HOXC5: variants seen among roughly 807,000 people sequenced by gnomAD.
HOXC5 encodes homeobox C5.
HOXC5 carries 19 observed loss-of-function variants against 20.1 expected under a neutral mutation model. The observed-to-expected ratio is 0.94, with a 90% CI of 0.66 to 1.38. The LOEUF (loss-of-function observed/expected upper bound fraction) is 1.38. HOXC5 is among the 40% of genes most tolerant of loss of function. The pLI is 0.00. For synonymous variants in HOXC5, 124 were observed against 117.0 expected, an observed-to-expected ratio of 1.06 and a Z score of -0.39; for missense variants, 330 against 300.1, an observed-to-expected ratio of 1.10 and a Z score of -0.74.
At chr12:54,032,458 C>T (rs771744528), upstream of HOXC5, among the ~76,000 whole-genome samples, 46 of 152,344 alleles carry the variant, frequency 3.0e-4, no homozygotes, top group Non-Finnish European at 2.4e-4. Context: ...CTAAGTTAAA[C>T]CCCATTGGTT....
At chr12:54,023,887 A>G in the HOXC5 span, among the ~76,000 whole-genome samples, 4 of 152,218 alleles carry the variant, frequency 2.6e-5, no homozygotes, top group Non-Finnish European at 4.4e-5. Context: ...CCCAAACAGC[A>G]TTCCCTGCAT....
the HOXC5 span, among the ~76,000 whole-genome samples, chr12:54,024,206 C>T: frequency 2.0e-5 from 3 of 151,952 alleles, no homozygotes; most frequent in Non-Finnish European, 4.4e-5. Flanking sequence ...GCGGGGCAAC[C>T]GTTCTTCTCT....
the HOXC5 span, chr12:54,017,043 G>C: frequency 1.3e-5 from 2 of 152,060 alleles, no homozygotes; most frequent in Non-Finnish European, 2.9e-5. Context: ...GCCGAAGCTG[G>C]GGGCAGCTGG....
chr12:54,028,263 ATATATT>A (rs1344108100), upstream of HOXC5: 1,540 of 72,806 alleles, frequency 0.021, 18 homozygotes, highest in Non-Finnish European at 0.026. Context: ...ATATATATAT[ATATATT>A]TTTTAAAAGA....
At position 54,033,268 on chromosome 12, in the gene HOXC5, T is replaced by TC; in HGVS notation, c.149dup (p.Pro51ThrfsTer63). The TC allele has an allele frequency of 6.2e-7, 1 of 1,614,122 alleles. No individual in the cohort carries two copies. The highest frequency in any genetic ancestry group is 8.5e-7 in the Non-Finnish European group (1 of 1,180,034). On this transcript the variant is annotated frameshift_variant, in exon 1 of 2. Coordinates refer to ENST00000312492, the MANE Select transcript of HOXC5 (RefSeq NM_018953.4). LOFTEE classifies it high-confidence loss of function. ...GGCGGATTGGACTTAAGCATCACTT[T>TC]CCCACCGCCTGCGCCTTCCAACTCT... is the stretch of plus-strand genomic sequence containing the variant.
the HOXC5 span, among the ~76,000 whole-genome samples, chr12:54,027,361 G>A: frequency 6.6e-6 from 1 of 152,162 alleles, no homozygotes; most frequent in East Asian, 1.9e-4. Flanking sequence ...TCTGGAGGGG[G>A]CAGGGGGGCT....
chr12:54,030,355 G>A (rs1940937641), upstream of HOXC5: 1 of 154,760 alleles, frequency 6.5e-6, no homozygotes. Context: ...GCCTGCTGGG[G>A]CCTCTGCTCC....
At chr12:54,034,171 G>A in intron 1 of HOXC5, 107 bp from the exon 2 acceptor site, 1 of 1,106,400 alleles carries the variant, frequency 9.0e-7, no homozygotes, top group Admixed American at 1.7e-5. Context: ...TGCGGCTCTC[G>A]CCTCCTCTCC....
At chr12:54,024,597 G>C in the HOXC5 span, among the ~76,000 whole-genome samples, 6 of 152,144 alleles carry the variant, frequency 3.9e-5, no homozygotes, top group Non-Finnish European at 8.8e-5. Flanking sequence ...ATTTCCCAGA[G>C]CTGAGTGGAA....
At chr12:54,025,453 C>T in the HOXC5 span, among the ~76,000 whole-genome samples, 1 of 147,112 alleles carries the variant, frequency 6.8e-6, no homozygotes, top group African/African-American at 2.5e-5. Flanking sequence ...ATCCTTTCAG[C>T]AAATTTCAGC....
At chr12:54,023,400 G>T in the HOXC5 span, among the ~76,000 whole-genome samples, 2 of 152,338 alleles carry the variant, frequency 1.3e-5, no homozygotes, top group East Asian at 3.9e-4. Context: ...AGGTCAGGCA[G>T]AAATCTGGAA....
the HOXC5 span, among the ~76,000 whole-genome samples, chr12:54,024,831 C>G: frequency 6.6e-6 from 1 of 152,222 alleles, no homozygotes; most frequent in Non-Finnish European, 1.5e-5. Flanking sequence ...GACTGCACCC[C>G]ACTCAGGTCC....
chr12:54,023,706 CTG>C, the HOXC5 span, among the ~76,000 whole-genome samples: 1 of 152,210 alleles, frequency 6.6e-6, no homozygotes, highest in African/African-American at 2.4e-5. Context: ...ATATCCATTT[CTG>C]TGTTAGGTGT....
upstream of HOXC5, among the ~76,000 whole-genome samples, chr12:54,029,398 GCCCCGCCC>G (rs1555185353): frequency 3.1e-5 from 2 of 65,394 alleles, no homozygotes; most frequent in Admixed American, 1.5e-4. Context: ...TTTGCCTTTT[GCCCCGCCC>G]CCCCGCCCCC....
the HOXC5 span, among the ~76,000 whole-genome samples, chr12:54,022,895 G>A: frequency 6.6e-6 from 1 of 152,200 alleles, no homozygotes; most frequent in Non-Finnish European, 1.5e-5. Context: ...CCAGGAGGCT[G>A]GGGATCCTTT....
At chr12:54,025,073 T>C in the HOXC5 span, among the ~76,000 whole-genome samples, 69,404 of 151,978 alleles carry the variant, frequency 0.46, 16,185 homozygotes, top group East Asian at 0.64. Context: ...GCCAGAGCAG[T>C]AGCAAGGAGA....
upstream of HOXC5, chr12:54,029,782 C>A: frequency 3.1e-6 from 5 of 1,614,088 alleles, no homozygotes; most frequent in Non-Finnish European, 4.2e-6. Flanking sequence ...AGATCGCCAA[C>A]GCGCTTTGCC....
chr12:54,030,053 C>T (rs1940924079), upstream of HOXC5: 1 of 1,251,800 alleles, frequency 8.0e-7, no homozygotes, highest in Non-Finnish European at 1.1e-6. Context: ...ATCACTGGCA[C>T]AATTGATGTG....
upstream of HOXC5, chr12:54,029,877 G>A: frequency 2.5e-6 from 4 of 1,591,914 alleles, 1 homozygote; most frequent in Non-Finnish European, 3.4e-6. Context: ...ACTCTCTCGG[G>A]GGGCGGCGGA....
Sources: allele counts gnomAD v4.1 joint callset (sites outside exome capture counted in the v4.1 genomes callset), GRCh38; gene constraint gnomAD v4.1.1; transcripts MANE v1.5; gene names NCBI Gene and HGNC (gene_info 2026-07-23, HGNC 2026-07-21).